The following SLC8A1 variants were observed in gnomAD, a reference collection of about 807,000 sequenced individuals.
SLC8A1 encodes the protein sodium/calcium exchanger 1.
A neutral mutation model predicts 68.3 loss-of-function variants in SLC8A1; 18 were observed. That is an observed-to-expected ratio of 0.26 (90% CI 0.18 to 0.39). SLC8A1 has a LOEUF of 0.39. Among genes scored for constraint, SLC8A1 ranks in the 10% least tolerant of loss-of-function variants. SLC8A1 has a pLI of 1.00. For synonymous variants in SLC8A1, 475 were observed against 415.5 expected (o/e 1.14, Z -1.74); for missense variants, 985 against 1,156.7 (o/e 0.85, Z 2.15).
intron 2 of SLC8A1, among the ~76,000 whole-genome samples, chr2:40,300,548 T>C (rs1459711387): frequency 6.6e-6 from 1 of 152,178 alleles, no homozygotes; most frequent in Non-Finnish European, 1.5e-5. Flanking sequence ...AAGACATGCA[T>C]GGTAAACTAG....
At chr2:40,164,250 A>C (rs983292110) in intron 5 of SLC8A1, among the ~76,000 whole-genome samples, 1 of 152,190 alleles carries the variant, frequency 6.6e-6, no homozygotes. Flanking sequence ...AACTTCTGCA[A>C]AAATGACTTT....
chr2:40,270,445 C>G (rs976329902), intron 2 of SLC8A1, among the ~76,000 whole-genome samples: 1 of 152,220 alleles, frequency 6.6e-6, no homozygotes, highest in African/African-American at 2.4e-5. Flanking sequence ...TTCGGACAAT[C>G]TAGAGGAGAA....
At chr2:40,438,352 T>C (rs1270697995) in intron 1 of SLC8A1, among the ~76,000 whole-genome samples, 1 of 152,154 alleles carries the variant, frequency 6.6e-6, no homozygotes, top group Non-Finnish European at 1.5e-5. Flanking sequence ...ATTTCCCCAA[T>C]AGCTGGTTGA....
chr2:40,222,324 C>T (rs564719791), intron 2 of SLC8A1, among the ~76,000 whole-genome samples: 105 of 152,124 alleles, frequency 6.9e-4, no homozygotes, highest in African/African-American at 2.0e-3. Flanking sequence ...GCTAGCCATA[C>T]GCAGAAAACT....
chr2:40,451,006 G>A (rs2149875634), intron 1 of SLC8A1, among the ~76,000 whole-genome samples: 1 of 152,200 alleles, frequency 6.6e-6, no homozygotes, highest in South Asian at 2.1e-4. Flanking sequence ...GATGCAGGGG[G>A]TGGATTTAAA....
At chr2:40,304,320 T>C (rs1288260896) in intron 2 of SLC8A1, among the ~76,000 whole-genome samples, 1 of 152,144 alleles carries the variant, frequency 6.6e-6, no homozygotes, top group Non-Finnish European at 1.5e-5. Context: ...GAATAGCAAT[T>C]TTCAATATCC....
intron 2 of SLC8A1, among the ~76,000 whole-genome samples, chr2:40,320,342 A>T (rs536102826): frequency 6.6e-6 from 1 of 152,282 alleles, no homozygotes; most frequent in African/African-American, 2.4e-5. Context: ...TTGTCCTCCA[A>T]CATGACATTA....
At chr2:40,415,874 A>G (rs1693685916) in intron 2 of SLC8A1, among the ~76,000 whole-genome samples, 1 of 137,554 alleles carries the variant, frequency 7.3e-6, no homozygotes, top group Non-Finnish European at 1.5e-5. Flanking sequence ...ACACACACAC[A>G]CACACACACA....
intron 2 of SLC8A1, among the ~76,000 whole-genome samples, chr2:40,403,779 C>T (rs1383315571): frequency 6.6e-6 from 1 of 152,076 alleles, no homozygotes; most frequent in Non-Finnish European, 1.5e-5. Flanking sequence ...ATTTTGGCAT[C>T]CAAAATATGT....
chr2:40,280,638 C>G (rs2067373855), intron 2 of SLC8A1, among the ~76,000 whole-genome samples: 1 of 152,164 alleles, frequency 6.6e-6, no homozygotes, highest in Admixed American at 6.5e-5. Context: ...TCCCTGCCTT[C>G]TGGGGTCTTA....
intron 2 of SLC8A1, among the ~76,000 whole-genome samples, chr2:40,317,237 T>C (rs2074583784): frequency 1.3e-5 from 2 of 152,086 alleles, no homozygotes; most frequent in Admixed American, 1.3e-4. Context: ...CTCCTCTCTG[T>C]TATTTATTAC....
intron 2 of SLC8A1, among the ~76,000 whole-genome samples, chr2:40,343,684 A>G (rs1668392724): frequency 6.6e-6 from 1 of 152,196 alleles, no homozygotes; most frequent in Admixed American, 6.6e-5. Context: ...AATTAAATAT[A>G]GACATATCAT....
intron 1 of SLC8A1, among the ~76,000 whole-genome samples, chr2:40,481,701 G>T (rs1364996262): frequency 6.6e-6 from 1 of 152,152 alleles, no homozygotes; most frequent in Non-Finnish European, 1.5e-5. Context: ...CAACGGAAAA[G>T]TAATGATTTC....
At chr2:40,407,642 C>G (rs1012501939) in intron 2 of SLC8A1, among the ~76,000 whole-genome samples, 1 of 152,182 alleles carries the variant, frequency 6.6e-6, no homozygotes, top group Admixed American at 6.5e-5. Context: ...TCTTGGTGCA[C>G]TGCATTTTGA....
intron 6 of SLC8A1, among the ~76,000 whole-genome samples, chr2:40,159,809 T>C (rs2045337200): frequency 6.6e-6 from 1 of 152,168 alleles, no homozygotes. Flanking sequence ...AAATTTTTAC[T>C]ACCCTCTCTT....
rs555625467 is a variant in SLC8A1, at chr2:40,376,415, A to G, written c.1808+52058T>C. On this transcript the variant is annotated intron_variant, in intron 2 of 7. Transcript: ENST00000406785. ...GTTCTGTTCTATAAAAGCAAGTCTC[A>G]GACTAAATTCTGCTGAACCTTCCAC... Among the ~76,000 whole-genome samples the G allele has an allele frequency of 6.4e-4, 97 of 152,228 alleles. 1 individual carries two copies. The highest frequency in any genetic ancestry group is 1.7e-3 in the South Asian group (8 of 4,826).
chr2:40,502,557 G>A (rs1160142547), intron 1 of SLC8A1, among the ~76,000 whole-genome samples: 1 of 151,894 alleles, frequency 6.6e-6, no homozygotes, highest in Non-Finnish European at 1.5e-5. Context: ...TATCTCATTG[G>A]TTCTTACAAT....
chr2:40,256,544 A>G (rs1056750908), intron 2 of SLC8A1, among the ~76,000 whole-genome samples: 3 of 152,188 alleles, frequency 2.0e-5, no homozygotes, highest in African/African-American at 4.8e-5. Context: ...GACGCATTTA[A>G]TGTTCTTGTT....
chr2:40,328,365 T>C (rs752022519), intron 2 of SLC8A1, among the ~76,000 whole-genome samples: 9 of 152,158 alleles, frequency 5.9e-5, no homozygotes, highest in Non-Finnish European at 7.4e-5. Flanking sequence ...ACTGTGGAGG[T>C]TTATCTCCTC....
Sources: allele counts gnomAD v4.1 joint callset (sites outside exome capture counted in the v4.1 genomes callset), GRCh38; gene constraint gnomAD v4.1.1; transcripts MANE v1.5; gene names NCBI Gene and HGNC (gene_info 2026-07-23, HGNC 2026-07-21).